The following PHKB variants were observed in gnomAD, a reference collection of about 807,000 sequenced individuals.
PHKB encodes the protein phosphorylase kinase regulatory subunit beta, also known as phosphorylase b kinase regulatory subunit beta.
PHKB carries 122 observed loss-of-function variants against 152.1 expected under a neutral mutation model. That is an observed-to-expected ratio of 0.80 (90% confidence interval 0.69 to 0.93). The LOEUF (loss-of-function observed/expected upper bound fraction) is 0.93, where lower values mean the gene tolerates loss of function less well. PHKB is among the 40% of genes least tolerant of loss of function. PHKB has a pLI of 0.00. For missense variants in PHKB, 1,304 were observed against 1,328.4 expected (o/e 0.98, Z 0.29); for synonymous variants, 436 against 464.9 (o/e 0.94, Z 0.80).
intron 1 of PHKB, among the ~76,000 whole-genome samples, chr16:47,468,543 C>T (rs1363360007): frequency 1.3e-5 from 2 of 152,220 alleles, no homozygotes; most frequent in Non-Finnish European, 2.9e-5. Context: ...ATCTCAGCTA[C>T]TCGGGAAGCT....
intron 7 of PHKB, chr16:47,566,701 G>A: frequency 1.3e-6 from 1 of 794,966 alleles, no homozygotes; most frequent in East Asian, 2.5e-5. Context: ...TCAATTGGAG[G>A]TGCCCTATAC....
intron 6 of PHKB, among the ~76,000 whole-genome samples, chr16:47,521,413 G>A (rs1970683190): frequency 6.6e-6 from 1 of 152,096 alleles, no homozygotes; most frequent in Non-Finnish European, 1.5e-5. Context: ...CAGCACTTAG[G>A]GAAGCCGAGG....
Position 47,498,449 on chromosome 16 carries a change from G to C in PHKB, c.166+961G>C, listed in dbSNP as rs192457532. Among the ~76,000 whole-genome samples the C allele has an allele frequency of 2.3e-3, 357 of 152,188 alleles. 1 individual carries two copies. Among genetic ancestry groups the C allele is most frequent in the African/African-American group, 8.0e-3 (331 of 41,522 alleles). On this transcript the variant is annotated intron_variant, in intron 2 of 30. Coordinates refer to ENST00000323584, the MANE Select transcript of PHKB (RefSeq NM_000293.3). ...TCCCAGCACTTTGGGAGGCTGAGGC[G>C]GGTGGATCACAAGGTCAGGAGTTTG...
In PHKB at chr16:47,681,037, C is replaced by T. The variant is rs552365324; in HGVS notation, c.2631-8004C>T. Among the ~76,000 whole-genome samples, 612 of 152,304 alleles carry T rather than the reference C, an allele frequency of 4.0e-3. 4 individuals carry two copies. Among genetic ancestry groups the T allele is most frequent in the Admixed American group, 8.8e-3 (134 of 15,292 alleles). Reference sequence around the variant, plus strand: ...TTCATTTTGTTATTTACCCAGTAGTCATTCAGGAGCAGGTTGTTCAGTTTC... The same window carrying T: ...TTCATTTTGTTATTTACCCAGTAGTTATTCAGGAGCAGGTTGTTCAGTTTC... On this transcript the variant is annotated intron_variant, in intron 26 of 30. Coordinates refer to ENST00000323584, the MANE Select transcript of PHKB (RefSeq NM_000293.3).
intron 14 of PHKB, 152 bp from the exon 15 acceptor site, chr16:47,640,883 C>A: frequency 1.4e-6 from 1 of 719,490 alleles, no homozygotes; most frequent in Non-Finnish European, 2.5e-6. Context: ...CAGTGGCGAG[C>A]AAGGAAAGAA....
chr16:47,483,522 T>C (rs1970001535), intron 1 of PHKB, among the ~76,000 whole-genome samples: 1 of 152,222 alleles, frequency 6.6e-6, no homozygotes, highest in African/African-American at 2.4e-5. Context: ...AGAAATCTTA[T>C]TATGTGTTCA....
intron 1 of PHKB, among the ~76,000 whole-genome samples, chr16:47,483,852 C>T (rs994849828): frequency 2.0e-5 from 3 of 152,168 alleles, no homozygotes; most frequent in Non-Finnish European, 4.4e-5. Flanking sequence ...ATAGTAATTT[C>T]ATTTTGTTAG....
chr16:47,556,322 A>G (rs1389949272), intron 7 of PHKB, among the ~76,000 whole-genome samples: 1 of 152,188 alleles, frequency 6.6e-6, no homozygotes, highest in Non-Finnish European at 1.5e-5. Context: ...AGGAGTGGTG[A>G]GAGAGGGCAT....
At chr16:47,616,230 T>C (rs1301928979) in intron 14 of PHKB, among the ~76,000 whole-genome samples, 1 of 152,010 alleles carries the variant, frequency 6.6e-6, no homozygotes, top group East Asian at 1.9e-4. Context: ...TGGTGTCATG[T>C]CTAAGAAAGT....
Position 47,699,214 on chromosome 16 carries a change from T to C in PHKB, c.3145-15T>C, listed in dbSNP as rs1337027214. 6.2e-7 allele frequency: 1 copy of C among 1,613,724 alleles called. No individual in the cohort carries two copies. The highest frequency in any genetic ancestry group is 1.7e-5 in the Admixed American group (1 of 60,028). On this transcript the variant is annotated splice_polypyrimidine_tract_variant and intron_variant, in intron 30 of 30. Coordinates refer to ENST00000323584, the MANE Select transcript of PHKB (RefSeq NM_000293.3). The stretch of plus-strand genomic sequence containing the variant: ...ACAGAAGATCGAATGCCTTGCCTAC[T>C]GTTTTCCTTTGTAGGATGACATGAC...
At chr16:47,513,171 T>C (rs545631740) in intron 5 of PHKB, among the ~76,000 whole-genome samples, 2 of 152,296 alleles carry the variant, frequency 1.3e-5, no homozygotes, top group Admixed American at 1.3e-4. Context: ...TAAATTTTGG[T>C]CAACCTGTTA....
At position 47,494,195 on chromosome 16, in the gene PHKB, A is replaced by T. The variant is rs1336019831; in HGVS notation, c.77-3204A>T. Among the ~76,000 whole-genome samples, 5 of 152,222 alleles carry T rather than the reference A, an allele frequency of 3.3e-5. No individual in the cohort carries two copies. The East Asian group carries it at 9.6e-4, about 29-fold the overall frequency. On this transcript the variant is annotated intron_variant, in intron 1 of 30. Coordinates refer to ENST00000323584, the MANE Select transcript of PHKB (RefSeq NM_000293.3). ...CACTTCCGATCTCATCTAGGGTACC[A>T]AAATGTTAACCTTAAATAACTAGAT... is the stretch of plus-strand genomic sequence containing the variant.
intron 7 of PHKB, among the ~76,000 whole-genome samples, chr16:47,573,865 A>G (rs1240169205): frequency 6.6e-6 from 1 of 152,232 alleles, no homozygotes; most frequent in Admixed American, 6.5e-5. Flanking sequence ...CTTATGAAGT[A>G]GGATCAGCAA....
chr16:47,617,519 C>G (rs1597127509), intron 14 of PHKB, among the ~76,000 whole-genome samples: 1 of 152,052 alleles, frequency 6.6e-6, no homozygotes, highest in South Asian at 2.1e-4. Context: ...CTAGTTACCT[C>G]ATATAAGTGG....
intron 7 of PHKB, among the ~76,000 whole-genome samples, chr16:47,555,412 T>A (rs1328301431): frequency 6.6e-6 from 1 of 152,198 alleles, no homozygotes. Context: ...CCATGGTAGG[T>A]GTGAAATTAA....
chr16:47,688,146 A>G (rs535237794), intron 26 of PHKB, among the ~76,000 whole-genome samples: 4 of 152,332 alleles, frequency 2.6e-5, no homozygotes, highest in East Asian at 3.9e-4. Flanking sequence ...TTCTTTCCAG[A>G]TGCTCAGTTG....
At chr16:47,652,555 A>G (rs1973256297) in intron 20 of PHKB, among the ~76,000 whole-genome samples, 2 of 151,762 alleles carry the variant, frequency 1.3e-5, no homozygotes, top group Non-Finnish European at 1.5e-5. Context: ...ACCAGCATCT[A>G]TTGTTTTTTG....
At chr16:47,624,053 A>T (rs1239334345) in intron 14 of PHKB, among the ~76,000 whole-genome samples, 1 of 152,146 alleles carries the variant, frequency 6.6e-6, no homozygotes, top group Non-Finnish European at 1.5e-5. Context: ...AATTCCTATA[A>T]TTTTTGTATA....
chr16:47,551,039 A>G (rs1406038942), intron 7 of PHKB, among the ~76,000 whole-genome samples: 1 of 152,038 alleles, frequency 6.6e-6, no homozygotes, highest in Non-Finnish European at 1.5e-5. Flanking sequence ...GGTAATTTCT[A>G]TTTCTGTGGG....
Sources: gnomAD v4.1 joint callset for allele counts (sites outside exome capture counted in the v4.1 genomes callset) on GRCh38, gnomAD v4.1.1 for gene constraint, MANE v1.5 for transcripts, NCBI Gene and HGNC (gene_info 2026-07-23, HGNC 2026-07-21) for gene names.